The following NOVA1 variants were observed in gnomAD, a reference collection of about 807,000 sequenced individuals.
NOVA1 encodes the protein RNA-binding protein Nova-1.
NOVA1 carries 7 observed loss-of-function variants against 38.0 expected under a neutral mutation model. That is an observed-to-expected ratio of 0.18 (90% CI 0.10 to 0.35). NOVA1 has a LOEUF of 0.35. Ranked by LOEUF, NOVA1 falls within the 10% of genes least tolerant of loss-of-function variation. The probability of loss-of-function intolerance (pLI) is 1.00; values close to 1 mark genes in which losing one functional copy is unlikely to be tolerated. For synonymous variants in NOVA1, 270 were observed against 232.5 expected, an observed-to-expected ratio of 1.16 and a Z score of -1.47; for missense variants, 460 against 616.0, an observed-to-expected ratio of 0.75 and a Z score of 2.68.
intron 4 of NOVA1, among the ~76,000 whole-genome samples, chr14:26,461,202 A>G (rs960185633): frequency 6.6e-6 from 1 of 152,180 alleles, no homozygotes; most frequent in Non-Finnish European, 1.5e-5. Flanking sequence ...CCTGAGCCAT[A>G]TATGGGATGT....
At chr14:26,576,900 A>C (rs1450253277) in intron 2 of NOVA1, among the ~76,000 whole-genome samples, 2 of 151,914 alleles carry the variant, frequency 1.3e-5, no homozygotes, top group African/African-American at 4.8e-5. Flanking sequence ...CTCTTAGTAC[A>C]TTTTAGTATA....
chr14:26,511,170 T>C (rs1321618406), intron 2 of NOVA1, among the ~76,000 whole-genome samples: 5 of 152,176 alleles, frequency 3.3e-5, no homozygotes, highest in Non-Finnish European at 7.3e-5. Context: ...GGTTCACTTT[T>C]ATCTTCTAAC....
chr14:26,487,911 G>C lies in NOVA1; in HGVS notation c.281-7768C>G, dbSNP rs1037937046. 3.9e-5 allele frequency among the ~76,000 whole-genome samples: 6 copies of C among 152,192 alleles called. No individual in the cohort carries two copies. In the South Asian group the frequency reaches 1.2e-3, roughly 32 times the overall value. On this transcript the variant is annotated intron_variant, in intron 2 of 4. Transcript: ENST00000539517. ...AGGACAAGTTTTCAGATCAACAAAA[G>C]TACTTGATAAAATTGCCATTAAAAG... is the stretch of plus-strand genomic sequence containing the variant.
chr14:26,465,760 T>C (rs1473272990), intron 4 of NOVA1, among the ~76,000 whole-genome samples: 1 of 152,130 alleles, frequency 6.6e-6, no homozygotes, highest in African/African-American at 2.4e-5. Flanking sequence ...CGCTAGTCAT[T>C]CAACAAATAT....
chr14:26,448,448 C>T lies in NOVA1; in HGVS notation c.1035G>A (p.Leu345=). 1 of 1,612,626 alleles carries T rather than the reference C, an allele frequency of 6.2e-7. No homozygotes were observed. Among genetic ancestry groups the T allele is most frequent in the Non-Finnish European group, 8.5e-7 (1 of 1,179,724 alleles). ...GGTTGGCACTGGCAGCTGCTGCAGC[C>T]AAAGCCCCTGTTGCTGCTGCTTGAC... ...GLSQAAATGA[L]AAAAASANPA... Residue 345 remains leucine, a synonymous_variant, in exon 5 of 5, where the codon TTG becomes TTA. Coordinates refer to ENST00000539517, the MANE Select transcript of NOVA1 (RefSeq NM_002515.3). This position sits in a 1 kb window ranked among gnomAD's most constrained non-coding sequence, Gnocchi z 5.3.
At chr14:26,556,536 A>G (rs1385591838) in intron 2 of NOVA1, among the ~76,000 whole-genome samples, 1 of 152,202 alleles carries the variant, frequency 6.6e-6, no homozygotes, top group Non-Finnish European at 1.5e-5. Flanking sequence ...CACCAAAGAT[A>G]AAACTCTACA....
chr14:26,595,926 G>T (rs759181139), intron 1 of NOVA1: 1 of 404,774 alleles, frequency 2.5e-6, no homozygotes, highest in South Asian at 1.9e-5. Context: ...AGGTTTATAA[G>T]ATGACAAACC....
At chr14:26,497,570 T>C (rs1886913303) in intron 2 of NOVA1, among the ~76,000 whole-genome samples, 1 of 152,152 alleles carries the variant, frequency 6.6e-6, no homozygotes, top group Non-Finnish European at 1.5e-5. Flanking sequence ...ATACCTACCA[T>C]ACATTTCTAT....
chr14:26,525,617 A>T (rs1332019916), intron 2 of NOVA1, among the ~76,000 whole-genome samples: 1 of 152,126 alleles, frequency 6.6e-6, no homozygotes, highest in South Asian at 2.1e-4. Flanking sequence ...TCCTCAAAAC[A>T]TATTTCCAGG....
intron 4 of NOVA1, among the ~76,000 whole-genome samples, chr14:26,453,186 ATGTATGTATGTATGTATG>A (rs869253306): frequency 8.9e-6 from 1 of 112,906 alleles, no homozygotes; most frequent in East Asian, 2.5e-4. Context: ...GTATGTATGT[ATGTATGTATGTATGTATG>A]TATGTATTTA....
chr14:26,478,044 C>A (rs182007423), intron 3 of NOVA1, among the ~76,000 whole-genome samples: 5 of 151,936 alleles, frequency 3.3e-5, no homozygotes, highest in African/African-American at 1.2e-4. Context: ...TCCATGAATA[C>A]CTACAAGTCT....
rs1397892097 is a variant in NOVA1 at position 26,597,623 on chromosome 14, G to A, written c.-187C>T. 12 of 1,219,926 alleles carry A rather than the reference G, an allele frequency of 9.8e-6. No individual in the cohort carries two copies. In the African/African-American group the frequency reaches 1.1e-4, roughly 11 times the overall value. The allele number at this position is 1,219,926 out of a possible 1,614,324, so 75.6% of individuals were successfully genotyped here. A position where few individuals can be genotyped will look rare whatever the true frequency, so the allele number is the denominator to read the frequency against. On this transcript the variant is annotated 5_prime_UTR_variant, in exon 1 of 5. Coordinates refer to ENST00000539517, the MANE Select transcript of NOVA1 (RefSeq NM_002515.3). ...AATGTTGCTGGTTTGTTCTCACTGG[G>A]GAGGGGGCAGGGCTGAGGAGCAGCT...
chr14:26,525,794 C>G (rs2138524506), intron 2 of NOVA1, among the ~76,000 whole-genome samples: 1 of 152,122 alleles, frequency 6.6e-6, no homozygotes, highest in African/African-American at 2.4e-5. Flanking sequence ...CATTGTTTCT[C>G]CAGTATTTTC....
chr14:26,561,612 G>A (rs1891828802), intron 2 of NOVA1, among the ~76,000 whole-genome samples: 1 of 152,018 alleles, frequency 6.6e-6, no homozygotes, highest in African/African-American at 2.4e-5. Context: ...ACAAAACAGA[G>A]GTGACTTACT....
intron 1 of NOVA1, chr14:26,596,764 A>G: frequency 8.0e-7 from 1 of 1,250,038 alleles, no homozygotes; most frequent in Non-Finnish European, 1.0e-6. Context: ...CGACAATCTA[A>G]GTGCGGTAAG....
At chr14:26,553,380 G>A (rs1451413812) in intron 2 of NOVA1, among the ~76,000 whole-genome samples, 1 of 152,186 alleles carries the variant, frequency 6.6e-6, no homozygotes, top group Non-Finnish European at 1.5e-5. Flanking sequence ...ATCAGAGTTT[G>A]CTTCACTGAC....
At chr14:26,556,180 A>T (rs1358210043) in intron 2 of NOVA1, among the ~76,000 whole-genome samples, 1 of 152,146 alleles carries the variant, frequency 6.6e-6, no homozygotes, top group Non-Finnish European at 1.5e-5. Flanking sequence ...AAAAAAAGCA[A>T]AAGGCCCAGA....
At chr14:26,509,342 T>C (rs1053181215) in intron 2 of NOVA1, among the ~76,000 whole-genome samples, 1 of 152,106 alleles carries the variant, frequency 6.6e-6, no homozygotes, top group African/African-American at 2.4e-5. Flanking sequence ...AAATATTGAA[T>C]ATCCTAAGTA....
chr14:26,582,411 G>A (rs915937791), intron 2 of NOVA1, among the ~76,000 whole-genome samples: 1 of 151,778 alleles, frequency 6.6e-6, no homozygotes, highest in African/African-American at 2.4e-5. Context: ...ACTGGAATAT[G>A]AATTTAAAGT....
Sources: gnomAD v4.1 joint callset for allele counts (sites outside exome capture counted in the v4.1 genomes callset) on GRCh38, gnomAD v4.1.1 for gene constraint, Gnocchi (gnomAD v3.1) non-coding constraint, MANE v1.5 for transcripts, NCBI Gene and HGNC (gene_info 2026-07-23, HGNC 2026-07-21) for gene names.